ADARB2: variants seen among roughly 807,000 people sequenced by gnomAD.
The protein encoded by ADARB2 is inactive double-stranded RNA-specific editase B2.
A neutral mutation model predicts 62.2 loss-of-function variants in ADARB2; 25 were observed. The observed-to-expected ratio is 0.40, with a 90% CI of 0.29 to 0.56. The LOEUF is 0.56. Among genes scored for constraint, ADARB2 ranks in the 20% least tolerant of loss-of-function variants. The pLI, the probability that ADARB2 is intolerant of heterozygous loss-of-function variation, is 0.43. For synonymous variants in ADARB2, 572 were observed against 500.8 expected (o/e 1.14, Z -1.90); for missense variants, 1,071 against 1,077.4 (o/e 0.99, Z 0.08).
In ADARB2 at chr10:1,326,858, T is replaced by TGGTA. The variant is rs1164624874; in HGVS notation, c.1077+36169_1077+36170insTACC. Among the ~76,000 whole-genome samples the TGGTA allele has an allele frequency of 9.6e-3, 113 of 11,716 alleles. 4 individuals are homozygous for TGGTA. The highest frequency in any genetic ancestry group is 0.017 in the Non-Finnish European group (90 of 5,270). 7.7% of individuals were successfully genotyped at this position (11,716 alleles called of 152,430 possible). The stretch of plus-strand genomic sequence containing the variant: ...TCCCCACGGCCCAGCGCCTCCCCAC[T>TGGTA]GCCCAGCGCCTCCCCACGGCACAGC... On this transcript the variant is annotated intron_variant, in intron 3 of 9. Coordinates refer to ENST00000381312, the MANE Select transcript of ADARB2 (RefSeq NM_018702.4).
intron 1 of ADARB2, among the ~76,000 whole-genome samples, chr10:1,465,764 C>T (rs995980023): frequency 1.3e-5 from 2 of 152,336 alleles, no homozygotes; most frequent in Admixed American, 6.5e-5. Context: ...CCAGAATGTG[C>T]GTACCAGCAA....
intron 3 of ADARB2, among the ~76,000 whole-genome samples, chr10:1,299,072 T>C (rs1408579228): frequency 6.6e-6 from 1 of 151,910 alleles, no homozygotes; most frequent in African/African-American, 2.4e-5. Context: ...TGATGTTGGA[T>C]AATGATTCTC....
chr10:1,687,030 T>G (rs1435342420), intron 1 of ADARB2, among the ~76,000 whole-genome samples: 2 of 68,366 alleles, frequency 2.9e-5, no homozygotes, highest in Admixed American at 1.4e-4. Flanking sequence ...TGACATTGCC[T>G]TTTTTTTTTT....
At chr10:1,455,429 T>A (rs965688242) in intron 1 of ADARB2, among the ~76,000 whole-genome samples, 1 of 152,098 alleles carries the variant, frequency 6.6e-6, no homozygotes, top group Non-Finnish European at 1.5e-5. Flanking sequence ...TTATGTATCA[T>A]GGATGAAGCA....
chr10:1,686,906 G>A (rs534214597), intron 1 of ADARB2, among the ~76,000 whole-genome samples: 418 of 152,114 alleles, frequency 2.7e-3, no homozygotes, highest in Non-Finnish European at 4.9e-3. Context: ...TGTGATCAAA[G>A]TCTAAAATGA....
chr10:1,544,111 C>T (rs1206543319), intron 1 of ADARB2, among the ~76,000 whole-genome samples: 5 of 152,104 alleles, frequency 3.3e-5, no homozygotes, highest in African/African-American at 1.2e-4. Context: ...GGAGTAGAGC[C>T]GTCCCAGGCA....
chr10:1,386,927 C>T (rs1281303601), intron 1 of ADARB2, among the ~76,000 whole-genome samples: 1 of 151,602 alleles, frequency 6.6e-6, no homozygotes, highest in African/African-American at 2.4e-5. Context: ...ATTTTCTGGC[C>T]ACAATATAGT....
chr10:1,242,332 C>T (rs1351975514), intron 4 of ADARB2, 33 bp from the exon 5 acceptor site: 1 of 1,511,360 alleles, frequency 6.6e-7, no homozygotes, highest in Non-Finnish European at 8.9e-7. Flanking sequence ...AGCAGCGTGG[C>T]CCACGGCCCC....
chr10:1,205,935 TGGGGTCAGGTGGGGTCACGGGGCAGCCC>T (rs1347950574), intron 7 of ADARB2, among the ~76,000 whole-genome samples: 2 of 138,452 alleles, frequency 1.4e-5, no homozygotes, highest in African/African-American at 5.6e-5. Context: ...GGCAGCCCGC[TGGGGTCAGGTGGGGTCACGGGGCAGCCC>T]GTTGGGGTCA....
chr10:1,690,027 C>CT (rs1274015277), intron 1 of ADARB2, among the ~76,000 whole-genome samples: 2 of 152,148 alleles, frequency 1.3e-5, no homozygotes, highest in East Asian at 3.8e-4. Flanking sequence ...GCCAAGACTG[C>CT]TCACCGAAGT....
At chr10:1,724,240 G>T (rs575837665) in intron 1 of ADARB2, among the ~76,000 whole-genome samples, 2 of 152,284 alleles carry the variant, frequency 1.3e-5, no homozygotes, top group African/African-American at 4.8e-5. Flanking sequence ...TCTGCTGCTG[G>T]CTTTTCAGCT....
intron 1 of ADARB2, among the ~76,000 whole-genome samples, chr10:1,623,468 T>G (rs961103254): frequency 6.6e-6 from 1 of 152,242 alleles, no homozygotes; most frequent in Non-Finnish European, 1.5e-5. Flanking sequence ...ACTGTTGTTT[T>G]GGGAAAATTT....
At position 1,251,785 on chromosome 10, in the gene ADARB2, A is replaced by G. The variant is rs1209689134; in HGVS notation, c.1193-9486T>C. ...CCTTCATGAATGGATTAATACCCCT[A>G]TAAAAGAGACTTCAGACAGAGTCCA... On this transcript the variant is annotated intron_variant, in intron 4 of 9. Transcript: ENST00000381312. Among the ~76,000 whole-genome samples the G allele has an allele frequency of 2.0e-5, 3 of 152,184 alleles. No individual in the cohort carries two copies. The South Asian group carries it at 6.2e-4, about 32-fold the overall frequency.
At chr10:1,242,064 C>A (rs1331894639) in intron 5 of ADARB2, 67 bp downstream of exon 5, 1 of 1,503,370 alleles carries the variant, frequency 6.7e-7, no homozygotes, top group East Asian at 2.4e-5. Context: ...CATGGGGCCC[C>A]ATCTGCTCCC....
intron 7 of ADARB2, among the ~76,000 whole-genome samples, chr10:1,210,757 G>T (rs143783832): frequency 0.026 from 4,013 of 152,332 alleles, 93 homozygotes; most frequent in Middle Eastern, 0.054. Context: ...CCTCGTGGGG[G>T]TGTAAAGAAG....
intron 1 of ADARB2, among the ~76,000 whole-genome samples, chr10:1,569,349 C>T (rs1354044281): frequency 6.6e-6 from 1 of 152,194 alleles, no homozygotes; most frequent in African/African-American, 2.4e-5. Flanking sequence ...GTTTCTTGCC[C>T]ATCGTGTGGC....
intron 8 of ADARB2, among the ~76,000 whole-genome samples, chr10:1,195,389 G>GTTTTTTTTT (rs377144803): frequency 9.6e-6 from 1 of 103,676 alleles, no homozygotes; most frequent in Non-Finnish European, 1.8e-5. Flanking sequence ...GCTGTACACA[G>GTTTTTTTTT]TTTTTTTTTT....
intron 6 of ADARB2, among the ~76,000 whole-genome samples, chr10:1,223,733 T>C (rs1411100735): frequency 6.6e-6 from 1 of 152,208 alleles, no homozygotes; most frequent in Admixed American, 6.5e-5. Context: ...GTTTATTGAT[T>C]TTCGTATGTT....
chr10:1,298,432 G>T (rs1831543239), intron 3 of ADARB2, among the ~76,000 whole-genome samples: 1 of 152,180 alleles, frequency 6.6e-6, no homozygotes, highest in Admixed American at 6.5e-5. Flanking sequence ...TCTATTGAAA[G>T]TGAGGTTTTC....
Sources: allele counts gnomAD v4.1 joint callset (sites outside exome capture counted in the v4.1 genomes callset), GRCh38; gene constraint gnomAD v4.1.1; transcripts MANE v1.5; gene names NCBI Gene and HGNC (gene_info 2026-07-23, HGNC 2026-07-21).